The following MAGI2 variants were observed in gnomAD, a reference collection of about 807,000 sequenced individuals.
MAGI2 encodes the protein membrane associated guanylate kinase, WW and PDZ domain containing 2.
MAGI2 carries 35 observed loss-of-function variants against 133.3 expected under a neutral mutation model. That is an observed-to-expected ratio of 0.26 (90% CI 0.20 to 0.35). The LOEUF is 0.35. Among genes scored for constraint, MAGI2 ranks in the 10% least tolerant of loss-of-function variants. The pLI, the probability that MAGI2 is intolerant of heterozygous loss-of-function variation, is 1.00. For synonymous variants in MAGI2, 729 were observed against 710.6 expected, an observed-to-expected ratio of 1.03 and a Z score of -0.41; for missense variants, 1,636 against 1,863.4, an observed-to-expected ratio of 0.88 and a Z score of 2.25.
chr7:79,256,973 G>T (rs1382715726), intron 1 of MAGI2, among the ~76,000 whole-genome samples: 1 of 152,050 alleles, frequency 6.6e-6, no homozygotes, highest in East Asian at 1.9e-4. Flanking sequence ...GAGACTTATT[G>T]TACAACATGG....
chr7:78,656,455 A>G lies in MAGI2; in HGVS notation c.419-29216T>C, dbSNP rs201167093. On this transcript the variant is annotated intron_variant, in intron 2 of 21. Coordinates refer to ENST00000354212, the MANE Select transcript of MAGI2 (RefSeq NM_012301.4). ...CCACACACAGAAAGAAAATTACTACATGATATCTAGAGTCTTAAAAAGTCT... is the reference window on the plus strand; with the variant it reads ...CCACACACAGAAAGAAAATTACTACGTGATATCTAGAGTCTTAAAAAGTCT... Among the ~76,000 whole-genome samples, 16 of 152,288 alleles carry G rather than the reference A, an allele frequency of 1.1e-4. No individual in the cohort carries two copies. In the East Asian group the frequency reaches 2.9e-3, roughly 28 times the overall value.
At chr7:78,033,193 G>A (rs551597317) in intron 21 of MAGI2, among the ~76,000 whole-genome samples, 125 of 152,202 alleles carry the variant, frequency 8.2e-4, no homozygotes, top group Non-Finnish European at 1.6e-3. Flanking sequence ...GACTAGAGTG[G>A]ACCTGCTGAT....
intron 3 of MAGI2, among the ~76,000 whole-genome samples, chr7:78,590,555 G>C (rs1222323299): frequency 2.0e-5 from 3 of 152,178 alleles, no homozygotes; most frequent in African/African-American, 7.2e-5. Context: ...GGAAAGACCA[G>C]ATAAGTACAC....
At chr7:78,464,099 A>G (rs972418243) in intron 6 of MAGI2, among the ~76,000 whole-genome samples, 5 of 152,194 alleles carry the variant, frequency 3.3e-5, no homozygotes, top group African/African-American at 2.4e-5. Flanking sequence ...AAATATCATT[A>G]TCATAATTAT....
chr7:78,328,463 G>C (rs942605189), intron 9 of MAGI2, among the ~76,000 whole-genome samples: 1 of 138,088 alleles, frequency 7.2e-6, no homozygotes, highest in Non-Finnish European at 1.6e-5. Flanking sequence ...AATGTTCAAC[G>C]GATGCTTATA....
intron 2 of MAGI2, among the ~76,000 whole-genome samples, chr7:78,656,586 A>G (rs1431808469): frequency 6.6e-6 from 1 of 152,172 alleles, no homozygotes; most frequent in Non-Finnish European, 1.5e-5. Context: ...GCAGTTATGT[A>G]AAATGTAAAT....
intron 7 of MAGI2, 34 bp from the exon 8 acceptor site, chr7:78,346,077 G>A (rs199907068): frequency 6.2e-7 from 1 of 1,611,954 alleles, no homozygotes; most frequent in South Asian, 1.1e-5. Flanking sequence ...GGATAACCGT[G>A]GGGCAAAGTT....
chr7:78,759,848 G>C (rs1289223675), intron 2 of MAGI2, among the ~76,000 whole-genome samples: 4 of 152,136 alleles, frequency 2.6e-5, no homozygotes, highest in Non-Finnish European at 5.9e-5. Flanking sequence ...AATAAAGGAG[G>C]CTGGGGATGG....
chr7:79,410,162 T>C (rs927443172), intron 1 of MAGI2: 3 of 152,158 alleles, frequency 2.0e-5, no homozygotes, highest in African/African-American at 7.2e-5. Context: ...TTCCATAGTT[T>C]TTCCAGAGTG....
intron 2 of MAGI2, among the ~76,000 whole-genome samples, chr7:78,855,064 C>T (rs1307097561): frequency 6.6e-6 from 1 of 151,876 alleles, no homozygotes; most frequent in Non-Finnish European, 1.5e-5. Context: ...GCCATGTTGC[C>T]AGGCTGAATT....
intron 14 of MAGI2, among the ~76,000 whole-genome samples, chr7:78,169,369 A>G (rs1340698342): frequency 4.7e-5 from 7 of 148,348 alleles, no homozygotes; most frequent in Admixed American, 6.8e-5. Context: ...TTCATTTTAA[A>G]TCCCTTGCTT....
rs190206591 is a variant in MAGI2 at position 78,277,349 on chromosome 7, C to G, written c.1409-20768G>C. Among the ~76,000 whole-genome samples, 294 of 152,078 alleles carry G rather than the reference C, an allele frequency of 1.9e-3. 3 individuals are homozygous for G. The highest frequency in any genetic ancestry group is 7.4e-4 in the Non-Finnish European group (50 of 67,988). On this transcript the variant is annotated intron_variant, in intron 9 of 21. Transcript: ENST00000354212. ...AAGTATCAAAACAAAATGAAAGAAA[C>G]TTTTTACCTCTTCTCTTTGGAATAA...
chr7:79,129,913 T>C (rs1820761190), intron 1 of MAGI2, among the ~76,000 whole-genome samples: 1 of 152,158 alleles, frequency 6.6e-6, no homozygotes, highest in African/African-American at 2.4e-5. Context: ...TTTGCCAAAT[T>C]AGCTGACAAA....
chr7:79,387,498 G>C (rs994116914), intron 1 of MAGI2, among the ~76,000 whole-genome samples: 2 of 151,784 alleles, frequency 1.3e-5, no homozygotes, highest in Admixed American at 6.6e-5. Flanking sequence ...GCAAACTATT[G>C]ATTTTATTTT....
chr7:79,278,479 T>C (rs952077131), intron 1 of MAGI2, among the ~76,000 whole-genome samples: 1 of 152,222 alleles, frequency 6.6e-6, no homozygotes, highest in Non-Finnish European at 1.5e-5. Context: ...TGGTTCAGTC[T>C]GCCAAATCTG....
intron 2 of MAGI2, among the ~76,000 whole-genome samples, chr7:78,910,044 G>A (rs1443215178): frequency 1.3e-5 from 2 of 151,912 alleles, no homozygotes; most frequent in African/African-American, 4.8e-5. Context: ...AACAGAAAAC[G>A]AAACACTGCA....
In MAGI2 at chr7:78,627,208, G is replaced by T; in HGVS notation, c.450C>A (p.Val150=). The change falls in exon 3 of 22, where the codon GTC becomes GTA. Residue 150 remains valine (V), a synonymous_variant. Coordinates refer to ENST00000354212, the MANE Select transcript of MAGI2 (RefSeq NM_012301.4). ...TGATGAAAATATAATCCACTCCAGG[G>T]ACCTCACCCTCCTTATGTGGCCTTG... The part of the protein sequence containing the change: ...CTTRPHKEGE[V]PGVDYIFITV... 1 of 1,583,594 alleles carries T rather than the reference G, an allele frequency of 6.3e-7. No individual in the cohort carries two copies. Among genetic ancestry groups the T allele is most frequent in the Non-Finnish European group, 8.6e-7 (1 of 1,164,792 alleles).
intron 2 of MAGI2, among the ~76,000 whole-genome samples, chr7:78,947,554 C>T (rs1801520567): frequency 6.6e-6 from 1 of 152,074 alleles, no homozygotes; most frequent in African/African-American, 2.4e-5. Flanking sequence ...CCCTTCTCAG[C>T]TCTGTAATCA....
At chr7:78,847,618 T>C (rs1487463442) in intron 2 of MAGI2, among the ~76,000 whole-genome samples, 2 of 151,938 alleles carry the variant, frequency 1.3e-5, no homozygotes, top group Non-Finnish European at 2.9e-5. Context: ...CATAGTAGAG[T>C]TAAAAGATCT....
Sources: allele counts gnomAD v4.1 joint callset (sites outside exome capture counted in the v4.1 genomes callset), GRCh38; gene constraint gnomAD v4.1.1; transcripts MANE v1.5; gene names NCBI Gene and HGNC (gene_info 2026-07-23, HGNC 2026-07-21).